Variants in PEG3 observed in about 807,000 individuals in gnomAD.
PEG3 encodes paternally-expressed gene 3 protein.
Under a neutral mutation model 35.5 loss-of-function variants are expected in PEG3, and 23 were observed. The observed-to-expected ratio is 0.65, with a 90% CI of 0.47 to 0.92. The LOEUF (loss-of-function observed/expected upper bound fraction) is 0.92, where lower values mean the gene tolerates loss of function less well. Ranked by LOEUF, PEG3 falls within the 40% of genes least tolerant of loss-of-function variation. The pLI is 0.00. For missense variants in PEG3, 1,960 were observed against 1,985.3 expected (o/e 0.99, Z 0.24); for synonymous variants, 707 against 697.0 (o/e 1.01, Z -0.23).
Position 56,810,736 on chromosome 19 carries a change from CTGT to C in PEG3, c.*2936_*2938del, listed in dbSNP as rs1410224671. ...AGACTTTATGCACACATATTTAACA[CTGT>C]TATCACAAGCGTGTGCACTGAAACA... On this transcript the variant is annotated 3_prime_UTR_variant, in exon 10 of 10. Coordinates refer to ENST00000326441, the MANE Select transcript of PEG3 (RefSeq NM_006210.3). The C allele has an allele frequency of 9.1e-6, 9 of 984,168 alleles. No individual in the cohort carries two copies. Among genetic ancestry groups the C allele is most frequent in the Non-Finnish European group, 1.1e-5 (9 of 828,812 alleles). 61.0% of individuals were successfully genotyped at this position (984,168 alleles called of 1,614,324 possible).
intron 1 of PEG3, among the ~76,000 whole-genome samples, chr19:56,839,292 T>C (rs887364807): frequency 6.7e-6 from 1 of 149,606 alleles, no homozygotes; most frequent in African/African-American, 2.5e-5. Flanking sequence ...GGGCGGGGCC[T>C]GAGCAGATCG....
At chr19:56,823,754 G>C (rs764595363) in intron 4 of PEG3, 75 bp from the exon 5 acceptor site, 1 of 1,510,972 alleles carries the variant, frequency 6.6e-7, no homozygotes, top group Non-Finnish European at 9.2e-7. Context: ...TCCCTGAGCC[G>C]CATCTCCCTG....
chr19:56,810,772 G>A lies in PEG3; in HGVS notation c.*2903C>T, dbSNP rs2048089588. 1 of 981,390 alleles carries A rather than the reference G, an allele frequency of 1.0e-6. No individual in the cohort carries two copies. Among genetic ancestry groups the A allele is most frequent in the Middle Eastern group, 5.3e-4 (1 of 1,898 alleles). The allele number at this position is 981,390 out of a possible 1,614,324, so 60.8% of individuals were successfully genotyped here. A position where few individuals can be genotyped will look rare whatever the true frequency, so the allele number is the denominator to read the frequency against. On this transcript the variant is annotated 3_prime_UTR_variant, in exon 10 of 10. Coordinates refer to ENST00000326441, the MANE Select transcript of PEG3 (RefSeq NM_006210.3). The stretch of plus-strand genomic sequence containing the variant: ...AGCGTGTGCACTGAAACAAGATAGA[G>A]GAAACAGATCAAGATGTTAGCAGTA...
Position 56,816,516 on chromosome 19 carries a change from CAGGGATGAGCT to C in PEG3, c.1915_1925del (p.Ser639GlufsTer9). Reference sequence around the variant, plus strand: ...TAGTATGGATTTTCTGATGTTCTTTCAGGGATGAGCTATGAAGGAAAGTCTCCCCACACACC... The same window carrying C: ...TAGTATGGATTTTCTGATGTTCTTTCATGAAGGAAAGTCTCCCCACACACC... On this transcript the variant is annotated frameshift_variant, in exon 10 of 10. Coordinates refer to ENST00000326441, the MANE Select transcript of PEG3 (RefSeq NM_006210.3). LOFTEE classifies it low-confidence loss of function (END_TRUNC). The C allele has an allele frequency of 6.2e-7, 1 of 1,613,248 alleles. No homozygotes were observed.
chr19:56,815,309 C>A lies in PEG3; in HGVS notation c.3133G>T (p.Asp1045Tyr). Reference protein sequence around the residue: ...DFRQFFATSEDLNTNQKIYDQ... With the variant: ...DFRQFFATSEYLNTNQKIYDQ... ...TAGATTTTCTGGTTTGTGTTGAGGT[C>A]TTCGCTGGTAGCAAAAAATTGTCTG... The change falls in exon 10 of 10, where the codon GAC becomes TAC. Residue 1045 changes from aspartate to tyrosine, a missense_variant. Physicochemically the swap from Asp to Tyr is radical, Grantham distance 160. Around this residue, in one of 5 missense-constraint regions of PEG3, gnomAD observed 798 missense variants for 782.4 expected, o/e 1.02. Coordinates refer to ENST00000326441, the MANE Select transcript of PEG3 (RefSeq NM_006210.3). The A allele has an allele frequency of 6.2e-7, 1 of 1,614,252 alleles. No homozygotes were observed. Among genetic ancestry groups the A allele is most frequent in the Non-Finnish European group, 8.5e-7 (1 of 1,180,046 alleles).
intron 2 of PEG3, among the ~76,000 whole-genome samples, chr19:56,831,208 T>C (rs1011021904): frequency 2.6e-5 from 4 of 152,182 alleles, no homozygotes; most frequent in African/African-American, 9.7e-5. Context: ...AATATAAGGA[T>C]ATAAGCACTA....
chr19:56,839,786 A>C (rs2146771825), intron 1 of PEG3, among the ~76,000 whole-genome samples: 1 of 152,198 alleles, frequency 6.6e-6, no homozygotes, highest in Non-Finnish European at 1.5e-5. Context: ...CTGCGCGGCA[A>C]ACCTCAGCCA....
At position 56,815,413 on chromosome 19, in the gene PEG3, A is replaced by C. The variant is rs745309869; in HGVS notation, c.3029T>G (p.Leu1010Trp). The change falls in exon 10 of 10, where the codon TTG (leucine) becomes TGG (tryptophan). Residue 1010 changes from leucine (L) to tryptophan (W), a missense_variant. Physicochemically the swap from Leu to Trp is moderately conservative, Grantham distance 61. Around this residue, in one of 5 missense-constraint regions of PEG3, gnomAD observed 798 missense variants for 782.4 expected, o/e 1.02. Transcript: ENST00000326441. ...RNYEWSVIRSLAPTDPQTSYA... is the reference protein window; with the variant it reads ...RNYEWSVIRSWAPTDPQTSYA... ...ACTTGTTTGAGGGTCAGTAGGGGCC[A>C]AGCTGCGAATGACAGACCATTCATA... The C allele has an allele frequency of 6.2e-7, 1 of 1,614,120 alleles. No homozygotes were observed. The highest frequency in any genetic ancestry group is 8.5e-7 in the Non-Finnish European group (1 of 1,179,976).
chr19:56,839,607 C>T (rs1003491856), intron 1 of PEG3, among the ~76,000 whole-genome samples: 1 of 152,218 alleles, frequency 6.6e-6, no homozygotes, highest in Admixed American at 6.5e-5. Context: ...CTTGCCCCGC[C>T]CCACTTGCCG....
At position 56,816,913 on chromosome 19, in the gene PEG3, C is replaced by T. The variant is rs753853974; in HGVS notation, c.1529G>A (p.Cys510Tyr). 21 of 1,614,090 alleles carry T rather than the reference C, an allele frequency of 1.3e-5. No homozygotes were observed. Among genetic ancestry groups the T allele is most frequent in the Non-Finnish European group, 1.7e-5 (20 of 1,180,018 alleles). The change falls in exon 10 of 10, where the codon TGT becomes TAT. Residue 510 changes from cysteine to tyrosine, a missense_variant. Transcript: ENST00000326441. ...VGGKRFECKD[C>Y]GETFNKSAAL... is the part of the protein sequence containing the mutation. ...GGCACTCTTATTGAAGGTCTCTCCACAGTCCTTACATTCAAAACGTTTCCC... is the reference window on the plus strand; with the variant it reads ...GGCACTCTTATTGAAGGTCTCTCCATAGTCCTTACATTCAAAACGTTTCCC...
intron 1 of PEG3, among the ~76,000 whole-genome samples, chr19:56,837,344 C>T (rs2062265107): frequency 6.6e-6 from 1 of 152,188 alleles, no homozygotes; most frequent in South Asian, 2.1e-4. Flanking sequence ...TTTCCACCTC[C>T]AGCTGTACGA....
chr19:56,835,232 A>C (rs1413265308), intron 2 of PEG3, among the ~76,000 whole-genome samples: 1 of 152,214 alleles, frequency 6.6e-6, no homozygotes, highest in Non-Finnish European at 1.5e-5. Flanking sequence ...AAATCTGATT[A>C]TCATGATACT....
Position 56,822,808 on chromosome 19 carries a change from T to C in PEG3, c.510A>G (p.Arg170=), listed in dbSNP as rs767637272. Residue 170 remains arginine, a synonymous_variant, in exon 6 of 10, where the codon AGA becomes AGG. Transcript: ENST00000326441. ...GGTCTCGTGGCTCCATGTCTCTGCT[T>C]CTGCCCCTCCGGTCCCAGTCCCGGT... The part of the protein sequence containing the change: ...FSDRDWDRRG[R]SRDMEPRDRW... 3 of 1,614,018 alleles carry C rather than the reference T, an allele frequency of 1.9e-6. No homozygotes were observed. Among genetic ancestry groups the C allele is most frequent in the Non-Finnish European group, 2.5e-6 (3 of 1,180,030 alleles).
chr19:56,833,420 T>G (rs2061768418), intron 2 of PEG3: 1 of 337,202 alleles, frequency 3.0e-6, no homozygotes. Context: ...CCTGCCTCTC[T>G]CTGCAGACCG....
chr19:56,813,999 C>A lies in PEG3; in HGVS notation c.4443G>T (p.Glu1481Asp). The A allele has an allele frequency of 6.2e-7, 1 of 1,614,140 alleles. No homozygotes were observed. The highest frequency in any genetic ancestry group is 2.2e-5 in the East Asian group (1 of 44,860). Residue 1481 changes from glutamate to aspartate, a missense_variant, in exon 10 of 10, where the codon GAG becomes GAT. By Grantham distance (45) the Glu-to-Asp change is conservative. Coordinates refer to ENST00000326441, the MANE Select transcript of PEG3 (RefSeq NM_006210.3). ...KAEEPEGDADEPDGVGIEDPE... is the reference protein window; with the variant it reads ...KAEEPEGDADDPDGVGIEDPE... ...GGTCTTCAATTCCCACACCGTCAGG[C>A]TCGTCGGCATCTCCCTCTGGCTCTT...
At chr19:56,832,694 G>A (rs1479077495) in intron 2 of PEG3, among the ~76,000 whole-genome samples, 1 of 152,150 alleles carries the variant, frequency 6.6e-6, no homozygotes, top group African/African-American at 2.4e-5. Flanking sequence ...CCAAGTGATG[G>A]GGCCACTAAT....
At chr19:56,827,758 G>A (rs2061190839) in intron 2 of PEG3, among the ~76,000 whole-genome samples, 1 of 152,060 alleles carries the variant, frequency 6.6e-6, no homozygotes, top group Non-Finnish European at 1.5e-5. Context: ...TTAAAATAAG[G>A]CAACTCTAAA....
intron 2 of PEG3, among the ~76,000 whole-genome samples, chr19:56,828,785 G>A (rs913004326): frequency 3.9e-5 from 6 of 151,968 alleles, no homozygotes; most frequent in African/African-American, 9.7e-5. Context: ...AATAAAGGCC[G>A]GTTACTTAAC....
chr19:56,821,361 ACT>A (rs1172416027), intron 7 of PEG3, among the ~76,000 whole-genome samples: 1 of 152,046 alleles, frequency 6.6e-6, no homozygotes, highest in Non-Finnish European at 1.5e-5. Flanking sequence ...CTCCAGAGTC[ACT>A]CTGCTTCCCT....
Sources: allele counts gnomAD v4.1 joint callset (sites outside exome capture counted in the v4.1 genomes callset), GRCh38; gene constraint gnomAD v4.1.1; regional missense constraint gnomAD v4.1.1; transcripts MANE v1.5; gene names NCBI Gene and HGNC (gene_info 2026-07-23, HGNC 2026-07-21).